Variants in CHODL observed in about 807,000 individuals in gnomAD.
CHODL encodes the protein transmembrane protein MT75.
In CHODL, 29 loss-of-function variants were observed where a neutral mutation model predicts 34.5. The ratio of observed to expected loss-of-function variants is 0.84; its 90% CI spans 0.63 to 1.15. The LOEUF (loss-of-function observed/expected upper bound fraction) is 1.15. Ranked by LOEUF, CHODL falls within the 50% of genes most tolerant of loss-of-function variation. CHODL has a pLI of 0.00. For synonymous variants in CHODL, 125 were observed against 116.1 expected, an observed-to-expected ratio of 1.08 and a Z score of -0.49; for missense variants, 332 against 332.5, an observed-to-expected ratio of 1.00 and a Z score of 0.01.
intron 2 of CHODL, among the ~76,000 whole-genome samples, chr21:18,118,838 A>G (rs1435311414): frequency 6.6e-6 from 1 of 152,112 alleles, no homozygotes; most frequent in African/African-American, 2.4e-5. Flanking sequence ...CATGACTACT[A>G]TAGATTTCTT....
intron 1 of CHODL, among the ~76,000 whole-genome samples, chr21:17,958,308 C>T (rs2063507873): frequency 6.6e-6 from 1 of 151,896 alleles, no homozygotes; most frequent in African/African-American, 2.4e-5. Flanking sequence ...CTTTCTGATC[C>T]CCTCTCAAAT....
chr21:18,133,171 C>T (rs2072678283), intron 2 of CHODL, among the ~76,000 whole-genome samples: 1 of 152,108 alleles, frequency 6.6e-6, no homozygotes, highest in Non-Finnish European at 1.5e-5. Context: ...TGGCAGTTTT[C>T]TGATTGTCAA....
intron 2 of CHODL, among the ~76,000 whole-genome samples, chr21:18,099,180 C>T (rs138710556): frequency 1.3e-4 from 19 of 151,784 alleles, no homozygotes; most frequent in African/African-American, 3.9e-4. Flanking sequence ...ACAGCACAAC[C>T]GGGAGACTAT....
intron 2 of CHODL, among the ~76,000 whole-genome samples, chr21:18,061,056 C>T (rs157057): frequency 0.46 from 70,105 of 151,996 alleles, 16,950 homozygotes; most frequent in Middle Eastern, 0.52. Flanking sequence ...CAAAATGAGA[C>T]GCAAATAACA....
At chr21:18,098,442 A>G (rs777893252) in intron 2 of CHODL, among the ~76,000 whole-genome samples, 1 of 152,140 alleles carries the variant, frequency 6.6e-6, no homozygotes, top group African/African-American at 2.4e-5. Flanking sequence ...CAAATGGCAA[A>G]CAGGCATGTA....
rs143647280 is a variant in CHODL at position 18,244,834 on chromosome 21, C to CT, written c.-389dup. 1,090 of 194,846 alleles carry CT rather than the reference C, an allele frequency of 5.6e-3. 15 individuals are homozygous for CT. The highest frequency in any genetic ancestry group is 0.024 in the African/African-American group (1,036 of 42,938). 12.1% of individuals were successfully genotyped at this position (194,846 alleles called of 1,614,324 possible). On this transcript the variant is annotated 5_prime_UTR_variant, in exon 1 of 6. Coordinates refer to ENST00000299295, the MANE Select transcript of CHODL (RefSeq NM_024944.3). ...ACGGTGCCTGAGCGCAGAGCGGCTGCTGCTGCTGTGATCCAGGACCAGGGC... is the reference window on the plus strand; with the variant it reads ...ACGGTGCCTGAGCGCAGAGCGGCTGCTTGCTGCTGTGATCCAGGACCAGGGC...
At chr21:18,089,964 T>A (rs953525237) in intron 2 of CHODL, among the ~76,000 whole-genome samples, 3 of 152,224 alleles carry the variant, frequency 2.0e-5, no homozygotes, top group Admixed American at 2.0e-4. Flanking sequence ...AAATGAGTCC[T>A]AAAATAGTGG....
chr21:18,109,105 G>GTTTT (rs1568890791), intron 2 of CHODL, among the ~76,000 whole-genome samples: 3 of 152,232 alleles, frequency 2.0e-5, no homozygotes, highest in African/African-American at 7.2e-5. Context: ...TGTAGCAGCA[G>GTTTT]TTTTTTAAGC....
chr21:18,175,606 A>AT (rs1320402937), intron 2 of CHODL, among the ~76,000 whole-genome samples: 1 of 151,936 alleles, frequency 6.6e-6, no homozygotes, highest in Non-Finnish European at 1.5e-5. Flanking sequence ...AAAAAAAAAA[A>AT]GAAAGATATT....
At chr21:18,189,111 CTATT>C (rs2073480051) in intron 2 of CHODL, among the ~76,000 whole-genome samples, 1 of 152,144 alleles carries the variant, frequency 6.6e-6, no homozygotes, top group African/African-American at 2.4e-5. Flanking sequence ...TTTCCTGGCT[CTATT>C]TATCAGAATT....
At chr21:18,079,028 G>A (rs1600974240) in intron 2 of CHODL, among the ~76,000 whole-genome samples, 2 of 152,188 alleles carry the variant, frequency 1.3e-5, no homozygotes, top group South Asian at 4.1e-4. Flanking sequence ...TTTCTTACTT[G>A]CATATATTGT....
intron 2 of CHODL, among the ~76,000 whole-genome samples, chr21:18,083,735 G>A (rs1229848306): frequency 1.3e-5 from 2 of 152,158 alleles, no homozygotes; most frequent in Admixed American, 6.5e-5. Flanking sequence ...GTGGCCCTTT[G>A]TTTTGACCAG....
chr21:18,000,657 T>G lies in CHODL; in HGVS notation c.-144-27215T>G, dbSNP rs368146647. 3.9e-5 allele frequency among the ~76,000 whole-genome samples: 6 copies of G among 152,260 alleles called. 1 individual carries two copies. Among genetic ancestry groups the G allele is most frequent in the Admixed American group, 1.3e-4 (2 of 15,296 alleles). ...TGTGAACTTTAAAAACTTCCTTGGGTCATAAGAAAAAAGGCTTACCTGATT... is the reference window on the plus strand; with the variant it reads ...TGTGAACTTTAAAAACTTCCTTGGGGCATAAGAAAAAAGGCTTACCTGATT... On this transcript the variant is annotated intron_variant, in intron 1 of 6. Transcript: ENST00000400127.
At chr21:18,043,291 C>T (rs2064399469) in intron 2 of CHODL, among the ~76,000 whole-genome samples, 1 of 151,940 alleles carries the variant, frequency 6.6e-6, no homozygotes, top group African/African-American at 2.4e-5. Context: ...CTGTTGTTGT[C>T]CTGATGTTTT....
At chr21:18,186,523 C>G (rs2070459513) in intron 2 of CHODL, among the ~76,000 whole-genome samples, 1 of 152,094 alleles carries the variant, frequency 6.6e-6, no homozygotes, top group Non-Finnish European at 1.5e-5. Context: ...ATTTAGAGCA[C>G]AAGTGTTTTT....
chr21:18,104,968 T>C (rs938448731), intron 2 of CHODL, among the ~76,000 whole-genome samples: 2 of 152,350 alleles, frequency 1.3e-5, no homozygotes, highest in African/African-American at 2.4e-5. Flanking sequence ...TTGGAAAATA[T>C]GTCATTGTTT....
At chr21:18,247,932 G>T (rs544235461) in intron 1 of CHODL, among the ~76,000 whole-genome samples, 1 of 151,908 alleles carries the variant, frequency 6.6e-6, no homozygotes, top group Middle Eastern at 3.4e-3. Flanking sequence ...CCAAATTCAG[G>T]TCTCTAAGTT....
chr21:18,056,287 T>C (rs2064578891), intron 2 of CHODL, among the ~76,000 whole-genome samples: 1 of 152,000 alleles, frequency 6.6e-6, no homozygotes, highest in Non-Finnish European at 1.5e-5. Context: ...ATCTTGTTTA[T>C]GTAGGTCACT....
chr21:18,000,682 T>G (rs2063896815), intron 1 of CHODL, among the ~76,000 whole-genome samples: 1 of 152,182 alleles, frequency 6.6e-6, no homozygotes, highest in Non-Finnish European at 1.5e-5. Flanking sequence ...CTTACCTGAT[T>G]TTCCAAAAAG....
Sources: gnomAD v4.1 joint callset for allele counts (sites outside exome capture counted in the v4.1 genomes callset) on GRCh38, gnomAD v4.1.1 for gene constraint, MANE v1.5 for transcripts, NCBI Gene and HGNC (gene_info 2026-07-23, HGNC 2026-07-21) for gene names.